Variants in NCF4 observed in about 807,000 individuals in gnomAD.
NCF4 encodes neutrophil cytosol factor 4.
In NCF4, 30 loss-of-function variants were observed where a neutral mutation model predicts 41.7. The observed-to-expected ratio is 0.72, with a 90% CI of 0.54 to 0.97. The LOEUF (loss-of-function observed/expected upper bound fraction) is 0.97. Among genes scored for constraint, NCF4 ranks in the 50% least tolerant of loss-of-function variants. The pLI is 0.00. For synonymous variants in NCF4, 195 were observed against 175.8 expected (o/e 1.11, Z -0.87); for missense variants, 432 against 460.9 (o/e 0.94, Z 0.57).
intron 6 of NCF4, chr22:36,872,072 C>T (rs1226162612): frequency 4.3e-6 from 3 of 700,880 alleles, no homozygotes; most frequent in Admixed American, 2.0e-5. Context: ...GGTGCTCAGC[C>T]CAGAGAGTTC....
At chr22:36,864,282 C>T (rs1046374288) in intron 2 of NCF4, among the ~76,000 whole-genome samples, 153 bp downstream of exon 2, 2 of 152,182 alleles carry the variant, frequency 1.3e-5, no homozygotes, top group East Asian at 3.9e-4. Context: ...GCCCATTTGA[C>T]ATTACCCTGG....
intron 6 of NCF4, 138 bp downstream of exon 6, chr22:36,871,847 T>C: frequency 9.2e-7 from 1 of 1,082,986 alleles, no homozygotes. Flanking sequence ...AAGGAAGGGG[T>C]TACAGCCTCA....
At chr22:36,871,144 TC>T in intron 5 of NCF4, among the ~76,000 whole-genome samples, 1 of 152,164 alleles carries the variant, frequency 6.6e-6, no homozygotes, top group East Asian at 1.9e-4. Flanking sequence ...CTCTGCTTCC[TC>T]CCACCAATGT....
In NCF4 at chr22:36,871,647, C is replaced by T; in HGVS notation, c.471-5C>T. The T allele has an allele frequency of 6.4e-7, 1 of 1,564,794 alleles. No individual in the cohort carries two copies. The highest frequency in any genetic ancestry group is 8.7e-7 in the Non-Finnish European group (1 of 1,153,722). ...GGCTAACAAGCCCCTCTTCTCTCTC[C>T]ACAGCAAGAGCGTGTCCCCACAGGG... is the stretch of plus-strand genomic sequence containing the variant. On this transcript the variant is annotated splice_polypyrimidine_tract_variant and splice_region_variant and intron_variant, in intron 5 of 9. Transcript: ENST00000248899.
chr22:36,862,212 T>C (rs1939790461), intron 1 of NCF4, among the ~76,000 whole-genome samples: 1 of 151,960 alleles, frequency 6.6e-6, no homozygotes, highest in Non-Finnish European at 1.5e-5. Flanking sequence ...ACTCAGGGGG[T>C]CACCAGAGAC....
chr22:36,872,360 G>C lies in NCF4; in HGVS notation c.562G>C (p.Glu188Gln), dbSNP rs1569114734. Residue 188 changes from glutamate (E) to glutamine (Q), a missense_variant, in exon 7 of 10, where the codon GAG becomes CAG. Glu to Gln is a conservative substitution (Grantham distance 29, BLOSUM62 2). Coordinates refer to ENST00000248899, the MANE Select transcript of NCF4 (RefSeq NM_000631.5). ...TGACTTCACTGGAAACAGCAAACTG[G>C]AGCTGAATTTCAAAGCTGGAGATGT... ...LFDFTGNSKL[E>Q]LNFKAGDVIF... 6.2e-7 allele frequency: 1 copy of C among 1,613,456 alleles called. No individual in the cohort carries two copies. The highest frequency in any genetic ancestry group is 8.5e-7 in the Non-Finnish European group (1 of 1,179,312).
At chr22:36,873,707 T>C (rs1244905032) in intron 7 of NCF4, among the ~76,000 whole-genome samples, 3 of 152,156 alleles carry the variant, frequency 2.0e-5, no homozygotes, top group Admixed American at 6.5e-5. Context: ...AGGGGCACTA[T>C]TGACATTGGG....
intron 6 of NCF4, chr22:36,872,082 C>T (rs916982276): frequency 8.5e-6 from 6 of 704,270 alleles, no homozygotes; most frequent in South Asian, 4.5e-5. Context: ...CCAGAGAGTT[C>T]GAACCCTTCC....
At chr22:36,864,845 CCT>C in intron 2 of NCF4, 72 bp from the exon 3 acceptor site, 2 of 1,576,606 alleles carry the variant, frequency 1.3e-6, no homozygotes, top group African/African-American at 2.7e-5. Flanking sequence ...CTCCTCCTCC[CCT>C]TTTCCCTTCC....
rs1939908765 is a variant in NCF4, at chr22:36,865,604, C to T, written c.271+532C>T. 6.6e-6 allele frequency among the ~76,000 whole-genome samples: 1 copy of T among 152,128 alleles called. No homozygotes were observed. On this transcript the variant is annotated intron_variant, in intron 3 of 9. Transcript: ENST00000248899. The surrounding 1 kb of genome is among the most constrained non-coding windows in gnomAD (Gnocchi z 4.3). ...CCCCTGGCCTCCTGGTCCTTCCTCC[C>T]CAGCTGGATCCTAACGCGCACCTTG...
intron 7 of NCF4, 73 bp from the exon 8 acceptor site, chr22:36,875,580 G>A: frequency 7.1e-7 from 1 of 1,411,854 alleles, no homozygotes; most frequent in Non-Finnish European, 9.9e-7. Context: ...ACTAGAACGG[G>A]GCTGAGGGCT....
chr22:36,876,299 T>G (rs1940193006), intron 9 of NCF4, among the ~76,000 whole-genome samples: 1 of 152,092 alleles, frequency 6.6e-6, no homozygotes, highest in African/African-American at 2.4e-5. Flanking sequence ...GGGGAACTGG[T>G]TGAGCTCACG....
intron 1 of NCF4, among the ~76,000 whole-genome samples, chr22:36,863,178 T>A (rs1939821571): frequency 6.6e-6 from 1 of 152,176 alleles, no homozygotes; most frequent in Non-Finnish European, 1.5e-5. Flanking sequence ...TGAGCAGTAC[T>A]GAGCACCTAC....
rs1437720095 is a variant in NCF4, at chr22:36,875,782, A to C, written c.757A>C (p.Lys253Gln). 1 of 1,614,070 alleles carries C rather than the reference A, an allele frequency of 6.2e-7. No individual in the cohort carries two copies. Among genetic ancestry groups the C allele is most frequent in the Non-Finnish European group, 8.5e-7 (1 of 1,180,006 alleles). ...CTACGAAGACACCATCAGCACCATC[A>C]AGTCTGTGGCCTGGGAGGGAGGGGC... ...YYYEDTISTI[K>Q]DIAVEEDLSS... The change falls in exon 8 of 10, where the codon AAG (lysine) becomes CAG (glutamine). Residue 253 changes from lysine to glutamine, a missense_variant and splice_region_variant. Lys to Gln is a moderately conservative substitution (Grantham distance 53, BLOSUM62 1). Transcript: ENST00000248899.
Position 36,864,969 on chromosome 22 carries a change from C to G in NCF4, c.168C>G (p.Tyr56Ter). The change falls in exon 3 of 10, where the codon TAC (tyrosine) becomes TAG (stop). Residue 56 changes from tyrosine (Y) to a stop codon, truncating the protein, a stop_gained. Transcript: ENST00000248899. LOFTEE classifies it high-confidence loss of function. ...KTKGGSKYLI[Y>*]RRYRQFHALQ... ...AAGGAGGATCCAAGTACCTCATCTA[C>G]CGCCGCTACCGCCAGTTCCATGCTT... 1 of 1,614,116 alleles carries G rather than the reference C, an allele frequency of 6.2e-7. No individual in the cohort carries two copies. Among genetic ancestry groups the G allele is most frequent in the Non-Finnish European group, 8.5e-7 (1 of 1,180,020 alleles).
intron 7 of NCF4, among the ~76,000 whole-genome samples, chr22:36,874,815 G>A (rs1226020328): frequency 6.6e-6 from 1 of 152,210 alleles, no homozygotes; most frequent in Non-Finnish European, 1.5e-5. Context: ...TAGAGTAGAG[G>A]CACAGTTGTA....
chr22:36,872,269 T>C (rs1940075945), intron 6 of NCF4, 58 bp from the exon 7 acceptor site: 1 of 1,320,560 alleles, frequency 7.6e-7, no homozygotes, highest in East Asian at 2.3e-5. Context: ...GTAAGGCACT[T>C]CTATAGGAAC....
chr22:36,867,602 G>A (rs1248093518), intron 4 of NCF4, 140 bp downstream of exon 4: 2 of 895,920 alleles, frequency 2.2e-6, no homozygotes, highest in Non-Finnish European at 3.6e-6. Flanking sequence ...ATCCCTAAAG[G>A]CCTGGTCTGG....
At chr22:36,876,622 C>T (rs1940199466) in intron 9 of NCF4, among the ~76,000 whole-genome samples, 1 of 152,218 alleles carries the variant, frequency 6.6e-6, no homozygotes, top group Non-Finnish European at 1.5e-5. Context: ...ACACCCCACA[C>T]ACACATGCAC....
Sources: gnomAD v4.1 joint callset for allele counts (sites outside exome capture counted in the v4.1 genomes callset) on GRCh38, gnomAD v4.1.1 for gene constraint, Gnocchi (gnomAD v3.1) non-coding constraint, MANE v1.5 for transcripts, NCBI Gene and HGNC (gene_info 2026-07-23, HGNC 2026-07-21) for gene names.